Variants in RELN observed in about 807,000 individuals in gnomAD.
The protein encoded by RELN is reelin.
Under a neutral mutation model 427.6 loss-of-function variants are expected in RELN, and 108 were observed. The ratio of observed to expected loss-of-function variants is 0.25; its 90% CI spans 0.22 to 0.30. The LOEUF is 0.30. Ranked by LOEUF, RELN falls within the 10% of genes least tolerant of loss-of-function variation. The probability of loss-of-function intolerance (pLI) is 1.00; values close to 1 mark genes in which losing one functional copy is unlikely to be tolerated. For missense variants in RELN, 3,715 were observed against 4,302.8 expected, an observed-to-expected ratio of 0.86 and a Z score of 3.82; for synonymous variants, 1,524 against 1,513.4, an observed-to-expected ratio of 1.01 and a Z score of -0.16.
intron 2 of RELN, among the ~76,000 whole-genome samples, chr7:103,889,517 G>T (rs1262662567): frequency 2.0e-5 from 3 of 152,156 alleles, no homozygotes; most frequent in African/African-American, 4.8e-5. Context: ...CTAGCGTAAG[G>T]CTACCAGAGG....
chr7:103,692,919 T>TGGAGGGGAATTACTA (rs1381317624), intron 10 of RELN, among the ~76,000 whole-genome samples: 1 of 151,724 alleles, frequency 6.6e-6, no homozygotes, highest in Non-Finnish European at 1.5e-5. Flanking sequence ...CCCCTAAAGA[T>TGGAGGGGAATTACTA]GGAGGGGAAT....
At chr7:103,697,730 A>T in intron 10 of RELN, 123 bp downstream of exon 10, 1 of 1,318,816 alleles carries the variant, frequency 7.6e-7, no homozygotes, top group Non-Finnish European at 1.1e-6. Context: ...TAAGTATATT[A>T]TCTGGTCCTT....
rs374062563 is a variant in RELN, at chr7:103,574,106, G to A, written c.4497C>T (p.Asp1499=). 7.7e-5 allele frequency: 124 copies of A among 1,613,600 alleles called. No homozygotes were observed. The highest frequency in any genetic ancestry group is 1.0e-4 in the Non-Finnish European group (119 of 1,179,612). ...ATACTTGTTACCTGATATTCCTGGT[G>A]TCCAGAGGGACCGTCCGGGCTTCCC... ...GKREARTVPL[D]TRNIRLVQFY... Residue 1499 remains aspartate, a synonymous_variant, in exon 30 of 65, where the codon GAC becomes GAT. Coordinates refer to ENST00000428762, the MANE Select transcript of RELN (RefSeq NM_005045.4).
intron 11 of RELN, among the ~76,000 whole-genome samples, chr7:103,667,024 A>G (rs754550382): frequency 2.1e-4 from 32 of 152,172 alleles, no homozygotes; most frequent in Non-Finnish European, 4.1e-4. Context: ...CTAAAGGCTT[A>G]TTACTCAGGT....
At position 103,968,004 on chromosome 7, in the gene RELN, G is replaced by A. The variant is rs564300678; in HGVS notation, c.226+21127C>T. Among the ~76,000 whole-genome samples the A allele has an allele frequency of 6.7e-5, 10 of 149,202 alleles. 1 individual carries two copies. In the South Asian group the frequency reaches 2.1e-3, roughly 31 times the overall value. On this transcript the variant is annotated intron_variant, in intron 1 of 64. Coordinates refer to ENST00000428762, the MANE Select transcript of RELN (RefSeq NM_005045.4). The surrounding 1 kb of genome is among the most constrained non-coding windows in gnomAD (Gnocchi z 4.3). ...AAGTACATATTTCTCAAACTGTATAGTTTATATATAAATATAAAATATATT... is the reference window on the plus strand; with the variant it reads ...AAGTACATATTTCTCAAACTGTATAATTTATATATAAATATAAAATATATT...
chr7:103,881,931 T>A (rs1008640006), intron 2 of RELN, among the ~76,000 whole-genome samples: 9 of 152,216 alleles, frequency 5.9e-5, no homozygotes, highest in African/African-American at 2.2e-4. Context: ...TTTCATTGAA[T>A]ATTGTATTAA....
intron 8 of RELN, among the ~76,000 whole-genome samples, chr7:103,713,209 C>T (rs980053667): frequency 4.6e-5 from 7 of 152,142 alleles, no homozygotes; most frequent in African/African-American, 1.4e-4. Flanking sequence ...ATTCCTGCAG[C>T]GCGAGTGCTG....
In RELN at chr7:103,685,623, T is replaced by C. The variant is rs183897562; in HGVS notation, c.1144-3362A>G. ...CCTAATGTACATTATTATATAATTA[T>C]AATTGTTTGTACTTGTTTCATTATT... On this transcript the variant is annotated intron_variant, in intron 10 of 64. Transcript: ENST00000428762. Among the ~76,000 whole-genome samples, 147 of 152,286 alleles carry C rather than the reference T, an allele frequency of 9.7e-4. 1 individual carries two copies. The highest frequency in any genetic ancestry group is 3.4e-3 in the African/African-American group (140 of 41,574).
intron 12 of RELN, among the ~76,000 whole-genome samples, chr7:103,658,789 C>T (rs1344420793): frequency 6.6e-6 from 1 of 151,864 alleles, no homozygotes; most frequent in Non-Finnish European, 1.5e-5. Flanking sequence ...GCCTCTCAGC[C>T]CTTATCCTGG....
At chr7:103,950,728 A>G (rs1403560267) in intron 1 of RELN, among the ~76,000 whole-genome samples, 1 of 152,190 alleles carries the variant, frequency 6.6e-6, no homozygotes, top group South Asian at 2.1e-4. Flanking sequence ...TTTATAAACA[A>G]TTTTGACTTT....
At chr7:103,788,757 C>T (rs1214558731) in intron 3 of RELN, among the ~76,000 whole-genome samples, 3 of 152,096 alleles carry the variant, frequency 2.0e-5, no homozygotes, top group African/African-American at 7.2e-5. Flanking sequence ...AAATATACTG[C>T]CCAAAGTAAT....
chr7:103,484,250 T>C (rs1191961130), intron 61 of RELN: 1 of 215,116 alleles, frequency 4.6e-6, no homozygotes, highest in African/African-American at 2.3e-5. Flanking sequence ...TTCTTGTTCC[T>C]AAAGTCCATA....
At position 103,630,066 on chromosome 7, in the gene RELN, A is replaced by G; in HGVS notation, c.2576T>C (p.Ile859Thr). Residue 859 changes from isoleucine (I) to threonine (T), a missense_variant, in exon 20 of 65, where the codon ATT (isoleucine) becomes ACT (threonine). By Grantham distance (89) the Ile-to-Thr change is moderately conservative. Coordinates refer to ENST00000428762, the MANE Select transcript of RELN (RefSeq NM_005045.4). ...QREDVWAIDEIIMTSVLFNSI... is the reference protein window; with the variant it reads ...QREDVWAIDETIMTSVLFNSI... ...GTTGAAAAGCACAGATGTCATGATA[A>G]TCTCATCAATAGCCCATACATCTTC... 2 of 1,613,380 alleles carry G rather than the reference A, an allele frequency of 1.2e-6. No homozygotes were observed. Among genetic ancestry groups the G allele is most frequent in the Non-Finnish European group, 1.7e-6 (2 of 1,179,348 alleles).
chr7:103,537,806 C>A (rs1388998287), intron 45 of RELN, among the ~76,000 whole-genome samples: 1 of 152,202 alleles, frequency 6.6e-6, no homozygotes, highest in Non-Finnish European at 1.5e-5. Context: ...CTTCTGCTTA[C>A]AGCCTAGTTT....
Position 103,824,204 on chromosome 7 carries a change from T to C in RELN, c.473+9333A>G, listed in dbSNP as rs1412041385. On this transcript the variant is annotated intron_variant, in intron 3 of 64. Coordinates refer to ENST00000428762, the MANE Select transcript of RELN (RefSeq NM_005045.4). The surrounding 1 kb of genome is among the most constrained non-coding windows in gnomAD (Gnocchi z 4.4). ...ATTTCTGCCATTATCTCTTCAAATT[T>C]GTCTTATTATTTTTATTCTCTCCTT... is the stretch of plus-strand genomic sequence containing the variant. 2.0e-5 allele frequency among the ~76,000 whole-genome samples: 3 copies of C among 151,880 alleles called. No homozygotes were observed. The highest frequency in any genetic ancestry group is 7.3e-5 in the African/African-American group (3 of 41,242).
At chr7:103,721,957 G>A (rs1386416670) in intron 8 of RELN, among the ~76,000 whole-genome samples, 8 of 152,034 alleles carry the variant, frequency 5.3e-5, no homozygotes, top group Admixed American at 4.6e-4. Flanking sequence ...AAAACATTAC[G>A]TGTTTGCTAC....
At chr7:103,776,437 C>T (rs1240338740) in intron 4 of RELN, 120 bp downstream of exon 4, 5 of 1,011,322 alleles carry the variant, frequency 4.9e-6, no homozygotes, top group African/African-American at 3.2e-5. Context: ...AGGGTCAATA[C>T]TTACATTTTT....
chr7:103,965,268 G>A (rs1452505818), intron 1 of RELN, among the ~76,000 whole-genome samples: 2 of 152,106 alleles, frequency 1.3e-5, no homozygotes, highest in African/African-American at 2.4e-5. Flanking sequence ...AGGCTGCCTA[G>A]CACAAAGTGC....
chr7:103,597,601 T>C (rs1016653227), intron 24 of RELN, among the ~76,000 whole-genome samples: 1 of 152,090 alleles, frequency 6.6e-6, no homozygotes, highest in African/African-American at 2.4e-5. Context: ...AGACTCTGTC[T>C]CAAAAAAGAA....
Sources: allele counts gnomAD v4.1 joint callset (sites outside exome capture counted in the v4.1 genomes callset), GRCh38; gene constraint gnomAD v4.1.1; non-coding constraint Gnocchi (gnomAD v3.1); transcripts MANE v1.5; gene names NCBI Gene and HGNC (gene_info 2026-07-23, HGNC 2026-07-21).